The following BCAS3 variants were observed in gnomAD, a reference collection of about 807,000 sequenced individuals.
The protein encoded by BCAS3 is BCAS3 microtubule associated cell migration factor.
Under a neutral mutation model 116.1 loss-of-function variants are expected in BCAS3, and 53 were observed. The ratio of observed to expected loss-of-function variants is 0.46; its 90% CI spans 0.37 to 0.57. The LOEUF is 0.57. Ranked by LOEUF, BCAS3 falls within the 20% of genes least tolerant of loss-of-function variation. BCAS3 has a pLI of 0.00. For synonymous variants in BCAS3, 391 were observed against 408.2 expected, an observed-to-expected ratio of 0.96 and a Z score of 0.51; for missense variants, 917 against 1,165.4, an observed-to-expected ratio of 0.79 and a Z score of 3.10.
At chr17:61,250,972 G>A (rs2048327796) in intron 22 of BCAS3, among the ~76,000 whole-genome samples, 1 of 152,150 alleles carries the variant, frequency 6.6e-6, no homozygotes, top group South Asian at 2.1e-4. Flanking sequence ...TAAGACTATG[G>A]ACCCCTTGGG....
intron 8 of BCAS3, among the ~76,000 whole-genome samples, chr17:60,872,642 AC>A (rs927337815): frequency 4.6e-5 from 7 of 150,636 alleles, no homozygotes; most frequent in African/African-American, 1.7e-4. Context: ...ATACACACAC[AC>A]CCCGATATCT....
At position 61,333,895 on chromosome 17, in the gene BCAS3, C is replaced by T. The variant is rs573049068; in HGVS notation, c.2426-34432C>T. Reference sequence around the variant, plus strand: ...TCGGCCTCCCAAAGTGCTGGGATTACAGGCATGAGCCATGGTACCCTGCCA... The same window carrying T: ...TCGGCCTCCCAAAGTGCTGGGATTATAGGCATGAGCCATGGTACCCTGCCA... On this transcript the variant is annotated intron_variant, in intron 22 of 23. Coordinates refer to ENST00000407086, the MANE Select transcript of BCAS3 (RefSeq NM_017679.5). The surrounding 1 kb of genome is among the most constrained non-coding windows in gnomAD (Gnocchi z 4.8). Among the ~76,000 whole-genome samples, 5 of 152,322 alleles carry T rather than the reference C, an allele frequency of 3.3e-5. No homozygotes were observed. The highest frequency in any genetic ancestry group is 1.2e-4 in the African/African-American group (5 of 41,562).
intron 7 of BCAS3, among the ~76,000 whole-genome samples, chr17:60,819,982 C>T (rs1288513811): frequency 2.6e-5 from 4 of 151,856 alleles, no homozygotes; most frequent in East Asian, 1.9e-4. Context: ...GCAGAGAAAG[C>T]GATATGAAGA....
chr17:60,757,034 G>C (rs994615620), intron 6 of BCAS3, among the ~76,000 whole-genome samples: 2 of 151,994 alleles, frequency 1.3e-5, no homozygotes, highest in Non-Finnish European at 2.9e-5. Context: ...GTGTTGGCGC[G>C]TGCCTGTAGT....
intron 22 of BCAS3, among the ~76,000 whole-genome samples, chr17:61,231,869 C>CA (rs72247548): frequency 0.67 from 67,234 of 100,312 alleles, 22,762 homozygotes; most frequent in East Asian, 0.89. Context: ...GACCCTGTCT[C>CA]AAAAAAAAAA....
chr17:61,196,261 T>C lies in BCAS3; in HGVS notation c.2425+111697T>C, dbSNP rs2080472446. ...AACTGATACTTCCAGCTCTGGATTC[T>C]GTGACATTTGCCCAAAGGGAAACAC... On this transcript the variant is annotated intron_variant, in intron 22 of 23. Transcript: ENST00000407086. The surrounding 1 kb of genome is among the most constrained non-coding windows in gnomAD (Gnocchi z 4.7). Among the ~76,000 whole-genome samples, 1 of 152,278 alleles carries C rather than the reference T, an allele frequency of 6.6e-6. No individual in the cohort carries two copies. The highest frequency in any genetic ancestry group is 1.5e-5 in the Non-Finnish European group (1 of 68,052).
At chr17:60,749,428 G>C (rs890454475) in intron 6 of BCAS3, among the ~76,000 whole-genome samples, 5 of 152,202 alleles carry the variant, frequency 3.3e-5, no homozygotes, top group Admixed American at 6.5e-5. Context: ...TTTGTGTCTT[G>C]ATTCACACAT....
intron 20 of BCAS3, 139 bp downstream of exon 20, chr17:61,075,159 C>G: frequency 1.6e-6 from 1 of 633,830 alleles, no homozygotes; most frequent in African/African-American, 1.8e-5. Context: ...TTCCATATTA[C>G]AAATTACTCC....
intron 6 of BCAS3, among the ~76,000 whole-genome samples, chr17:60,758,828 T>C (rs928357547): frequency 2.0e-5 from 3 of 152,254 alleles, no homozygotes; most frequent in African/African-American, 4.8e-5. Flanking sequence ...TCCATTTTAA[T>C]TTGTTTCAAG....
In BCAS3 at chr17:61,344,612, G is replaced by A. The variant is rs1465892830; in HGVS notation, c.2426-23715G>A. On this transcript the variant is annotated intron_variant, in intron 22 of 23. Transcript: ENST00000407086. The surrounding 1 kb of genome is among the most constrained non-coding windows in gnomAD (Gnocchi z 4.1). ...TTACATGCTGATAGGGCAGGTTCAG[G>A]GCACCTGACCTAACCTAGGAGAGGA... Among the ~76,000 whole-genome samples, 2 of 152,140 alleles carry A rather than the reference G, an allele frequency of 1.3e-5. No homozygotes were observed. The highest frequency in any genetic ancestry group is 2.1e-4 in the South Asian group (1 of 4,828).
intron 10 of BCAS3, among the ~76,000 whole-genome samples, chr17:60,892,380 T>A (rs2057221595): frequency 6.6e-6 from 1 of 151,418 alleles, no homozygotes; most frequent in African/African-American, 2.4e-5. Flanking sequence ...TGGCATGATC[T>A]CGGCTCACCG....
At chr17:61,375,714 A>G (rs2143578259) in intron 23 of BCAS3, among the ~76,000 whole-genome samples, 1 of 152,046 alleles carries the variant, frequency 6.6e-6, no homozygotes, top group South Asian at 2.1e-4. Context: ...CGTGGATTAC[A>G]GGCATGCGCC....
intron 10 of BCAS3, 99 bp from the exon 11 acceptor site, chr17:60,902,521 C>T: frequency 1.1e-6 from 1 of 946,664 alleles, no homozygotes; most frequent in Non-Finnish European, 1.7e-6. Context: ...CACCCATCAC[C>T]ATCACTGTTC....
At chr17:61,102,140 C>T (rs1421749165) in intron 22 of BCAS3, among the ~76,000 whole-genome samples, 1 of 152,006 alleles carries the variant, frequency 6.6e-6, no homozygotes, top group Non-Finnish European at 1.5e-5. Context: ...AGTAGATGTC[C>T]TTAGCTGAGA....
At chr17:60,705,685 G>C (rs955203020) in intron 4 of BCAS3, among the ~76,000 whole-genome samples, 1 of 152,142 alleles carries the variant, frequency 6.6e-6, no homozygotes. Context: ...TTCCAAACCA[G>C]TGCCAGATGA....
intron 5 of BCAS3, among the ~76,000 whole-genome samples, chr17:60,738,174 T>C (rs906921434): frequency 1.7e-4 from 26 of 152,250 alleles, no homozygotes; most frequent in African/African-American, 5.5e-4. Flanking sequence ...GAATGTTTAT[T>C]GTGCTACTGT....
At position 61,241,649 on chromosome 17, in the gene BCAS3, C is replaced by T. The variant is rs150982234; in HGVS notation, c.2426-126678C>T. On this transcript the variant is annotated intron_variant, in intron 22 of 23. Coordinates refer to ENST00000407086, the MANE Select transcript of BCAS3 (RefSeq NM_017679.5). This position sits in a 1 kb window ranked among gnomAD's most constrained non-coding sequence, Gnocchi z 4.6. ...CAGGAAAATGGCGTGAACCCAGGAGCCAGAGCTTGCAGTGAGCCGAGATCG... is the reference window on the plus strand; with the variant it reads ...CAGGAAAATGGCGTGAACCCAGGAGTCAGAGCTTGCAGTGAGCCGAGATCG... Among the ~76,000 whole-genome samples the T allele has an allele frequency of 6.1e-3, 929 of 151,954 alleles. 9 individuals carry two copies. Among genetic ancestry groups the T allele is most frequent in the African/African-American group, 0.022 (906 of 41,458 alleles).
chr17:61,145,369 A>G lies in BCAS3; in HGVS notation c.2425+60805A>G, dbSNP rs1034352012. Among the ~76,000 whole-genome samples, 9 of 152,302 alleles carry G rather than the reference A, an allele frequency of 5.9e-5. No homozygotes were observed. Among genetic ancestry groups the G allele is most frequent in the Non-Finnish European group, 1.3e-4 (9 of 68,018 alleles). ...GCAGCCTGACCAAATTTACGCTCAC[A>G]AGATCTCTTAATTCACAAAAGCATT... On this transcript the variant is annotated intron_variant, in intron 22 of 23. Transcript: ENST00000407086. This position sits in a 1 kb window ranked among gnomAD's most constrained non-coding sequence, Gnocchi z 5.0.
rs2082431761 is a variant in BCAS3, at chr17:61,227,526, G to A, written c.2426-140801G>A. On this transcript the variant is annotated intron_variant, in intron 22 of 23. Transcript: ENST00000407086. The surrounding 1 kb of genome is among the most constrained non-coding windows in gnomAD (Gnocchi z 6.1). ...TTGGGAGGAATTTGTGTTTGCCCATGAATGAAGTGAAATGACCAGGTAGAC... is the reference window on the plus strand; with the variant it reads ...TTGGGAGGAATTTGTGTTTGCCCATAAATGAAGTGAAATGACCAGGTAGAC... Among the ~76,000 whole-genome samples, 1 of 152,224 alleles carries A rather than the reference G, an allele frequency of 6.6e-6. No homozygotes were observed. The highest frequency in any genetic ancestry group is 2.4e-5 in the African/African-American group (1 of 41,460).
Sources: allele counts gnomAD v4.1 joint callset (sites outside exome capture counted in the v4.1 genomes callset), GRCh38; gene constraint gnomAD v4.1.1; non-coding constraint Gnocchi (gnomAD v3.1); transcripts MANE v1.5; gene names NCBI Gene and HGNC (gene_info 2026-07-23, HGNC 2026-07-21).